SLIT1: variants seen among roughly 807,000 people sequenced by gnomAD.
The protein encoded by SLIT1 is slit guidance ligand 1.
A neutral mutation model predicts 186.1 loss-of-function variants in SLIT1; 66 were observed. The observed-to-expected ratio is 0.35, with a 90% confidence interval of 0.29 to 0.44. The LOEUF (loss-of-function observed/expected upper bound fraction) is 0.44, where lower values mean the gene tolerates loss of function less well. Ranked by LOEUF, SLIT1 falls within the 20% of genes least tolerant of loss-of-function variation. The probability of loss-of-function intolerance (pLI) is 1.00; values close to 1 mark genes in which losing one functional copy is unlikely to be tolerated. For synonymous variants in SLIT1, 761 were observed against 833.8 expected, an observed-to-expected ratio of 0.91 and a Z score of 1.50; for missense variants, 1,638 against 2,037.4, an observed-to-expected ratio of 0.80 and a Z score of 3.77.
At chr10:97,049,252 G>A (rs1848766300) in intron 13 of SLIT1, 134 bp from the exon 14 acceptor site, 1 of 1,025,314 alleles carries the variant, frequency 9.8e-7, no homozygotes. Context: ...CAGCCACGGG[G>A]GGAAAGAGAG....
chr10:97,119,913 GTATATATATATA>G lies in SLIT1; in HGVS notation c.413+37893_413+37904del, dbSNP rs55656011. Among the ~76,000 whole-genome samples, 41 of 56,520 alleles carry G rather than the reference GTATATATATATA, an allele frequency of 7.3e-4. 1 individual carries two copies. Among genetic ancestry groups the G allele is most frequent in the South Asian group, 4.3e-3 (6 of 1,386 alleles). The allele number at this position is 56,520 out of a possible 152,430, so 37.1% of individuals were successfully genotyped here. A position where few individuals can be genotyped will look rare whatever the true frequency, so the allele number is the denominator to read the frequency against. On this transcript the variant is annotated intron_variant, in intron 4 of 36. Transcript: ENST00000266058. ...AAATACATATTTTTTTTCCAAAGGG[GTATATATATATA>G]TATATATATATATATATATATGTAT...
chr10:97,152,677 G>T (rs534148784), intron 4 of SLIT1, among the ~76,000 whole-genome samples: 3 of 152,132 alleles, frequency 2.0e-5, no homozygotes, highest in Non-Finnish European at 4.4e-5. Flanking sequence ...AAACTGGGAG[G>T]TTTCCTACCG....
chr10:97,024,357 C>G (rs1848527308), intron 25 of SLIT1, among the ~76,000 whole-genome samples: 1 of 152,142 alleles, frequency 6.6e-6, no homozygotes, highest in South Asian at 2.1e-4. Flanking sequence ...GAGTGGCTCC[C>G]TTAATATATC....
Position 97,080,286 on chromosome 10 carries a change from A to T in SLIT1, c.414-14200T>A, listed in dbSNP as rs146756772. Among the ~76,000 whole-genome samples the T allele has an allele frequency of 7.5e-4, 114 of 152,296 alleles. 1 individual carries two copies. The highest frequency in any genetic ancestry group is 2.6e-3 in the African/African-American group (108 of 41,566). ...CAAGTCTTTATAAAGGGATGATCAC[A>T]GGACATCGTTTCCTGCAAGGAGCTC... On this transcript the variant is annotated intron_variant, in intron 4 of 36. Transcript: ENST00000266058.
chr10:97,129,383 C>CAAAA (rs57535501), intron 4 of SLIT1, among the ~76,000 whole-genome samples: 1 of 137,514 alleles, frequency 7.3e-6, no homozygotes, highest in Non-Finnish European at 1.6e-5. Context: ...GACTGTGTCT[C>CAAAA]AAAAAAAAAA....
At chr10:97,002,097 A>G (rs1461936500) in intron 36 of SLIT1, 61 bp downstream of exon 36, 1 of 1,168,934 alleles carries the variant, frequency 8.6e-7, no homozygotes, top group Non-Finnish European at 1.2e-6. Flanking sequence ...GGAAGAGTCA[A>G]ATTGCTAAAG....
At chr10:97,152,599 C>CG (rs1849893822) in intron 4 of SLIT1, among the ~76,000 whole-genome samples, 1 of 152,184 alleles carries the variant, frequency 6.6e-6, no homozygotes, top group African/African-American at 2.4e-5. Flanking sequence ...TTAAAGGAAA[C>CG]GCTGCAACAT....
rs552547490 is a variant in SLIT1, at chr10:97,136,642, T to C, written c.413+21176A>G. On this transcript the variant is annotated intron_variant, in intron 4 of 36. Coordinates refer to ENST00000266058, the MANE Select transcript of SLIT1 (RefSeq NM_003061.3). ...TGCCCGGCGTTTTATAGAGTACTGA[T>C]GAGCATGACTGGGTCCTCCCTGAAA... Among the ~76,000 whole-genome samples the C allele has an allele frequency of 3.8e-3, 583 of 152,326 alleles. 2 individuals carry two copies. Among genetic ancestry groups the C allele is most frequent in the African/African-American group, 0.011 (449 of 41,566 alleles).
At chr10:97,141,818 G>A (rs73322799) in intron 4 of SLIT1, among the ~76,000 whole-genome samples, 14,297 of 151,352 alleles carry the variant, frequency 0.094, 721 homozygotes, top group Middle Eastern at 0.12. Context: ...TACTAGACAG[G>A]GTCTCACTAA....
intron 4 of SLIT1, among the ~76,000 whole-genome samples, chr10:97,072,600 C>G (rs2134647097): frequency 6.6e-6 from 1 of 152,280 alleles, no homozygotes; most frequent in Non-Finnish European, 1.5e-5. Context: ...TGGAACTGTC[C>G]CACCCTGGCC....
intron 4 of SLIT1, among the ~76,000 whole-genome samples, chr10:97,089,531 G>A (rs1384934727): frequency 6.6e-6 from 1 of 152,230 alleles, no homozygotes; most frequent in Non-Finnish European, 1.5e-5. Context: ...TGAGTGTGAA[G>A]CCTGCAGGTG....
intron 1 of SLIT1, among the ~76,000 whole-genome samples, chr10:97,181,082 G>A (rs1437387993): frequency 6.6e-6 from 1 of 152,190 alleles, no homozygotes; most frequent in Non-Finnish European, 1.5e-5. Flanking sequence ...TTTTACAGAT[G>A]GGGAAACTGG....
intron 1 of SLIT1, 110 bp from the exon 2 acceptor site, chr10:97,165,000 G>A: frequency 1.2e-6 from 1 of 804,666 alleles, no homozygotes; most frequent in Non-Finnish European, 2.2e-6. Flanking sequence ...CGTCTCATCA[G>A]CGGGGCTGGG....
intron 4 of SLIT1, among the ~76,000 whole-genome samples, chr10:97,152,419 C>T (rs17410931): frequency 0.051 from 7,648 of 150,888 alleles, 242 homozygotes; most frequent in South Asian, 0.13. Context: ...CACCACCCTC[C>T]GAAGTAGCCC....
chr10:97,152,258 G>GA (rs200051608), intron 4 of SLIT1, among the ~76,000 whole-genome samples: 351 of 150,406 alleles, frequency 2.3e-3, no homozygotes, highest in African/African-American at 7.8e-3. Context: ...AGCCCCTCGA[G>GA]AAAAAAAAAC....
chr10:97,183,321 C>A (rs552084507), intron 1 of SLIT1, among the ~76,000 whole-genome samples: 1 of 152,316 alleles, frequency 6.6e-6, no homozygotes, highest in East Asian at 1.9e-4. Context: ...CAGTTCCTGG[C>A]TCCGAAACAT....
rs1262872614 is a variant in SLIT1 at position 97,006,517 on chromosome 10, A to G, written c.3545T>C (p.Leu1182Pro). The G allele has an allele frequency of 1.2e-5, 20 of 1,614,074 alleles. No homozygotes were observed. The South Asian group carries it at 2.2e-4, about 18-fold the overall frequency. Residue 1182 changes from leucine to proline, a missense_variant, in exon 32 of 37, where the codon CTG (leucine) becomes CCG (proline). By Grantham distance (98) the Leu-to-Pro change is moderately conservative. Transcript: ENST00000266058. The surrounding 1 kb of genome is among the most constrained non-coding windows in gnomAD (Gnocchi z 4.0). ...GATGTTGGCCCGTGGCCAGTTTTGC[A>G]GGTCAGTGAACTGCAGGTAAGTGTC... ...DRDTYLQFTD[L>P]QNWPRANITL...
chr10:97,030,327 T>C (rs1399441739), intron 25 of SLIT1, among the ~76,000 whole-genome samples: 4 of 152,180 alleles, frequency 2.6e-5, no homozygotes, highest in Non-Finnish European at 4.4e-5. Context: ...GGAGGCACAG[T>C]ACTAGTGGAG....
chr10:97,018,964 G>C lies in SLIT1; in HGVS notation c.2871+19C>G. 1 of 1,497,150 alleles carries C rather than the reference G, an allele frequency of 6.7e-7. No individual in the cohort carries two copies. The allele number at this position is 1,497,150 out of a possible 1,614,324, so 92.7% of individuals were successfully genotyped here. ...TACACGAAGAGCCCTCCTCCTCCCC[G>C]GCCTCTGCCTCCACTCACCTTATAG... On this transcript the variant is annotated intron_variant, in intron 27 of 36. Coordinates refer to ENST00000266058, the MANE Select transcript of SLIT1 (RefSeq NM_003061.3).
Sources: allele counts gnomAD v4.1 joint callset (sites outside exome capture counted in the v4.1 genomes callset), GRCh38; gene constraint gnomAD v4.1.1; non-coding constraint Gnocchi (gnomAD v3.1); transcripts MANE v1.5; gene names NCBI Gene and HGNC (gene_info 2026-07-23, HGNC 2026-07-21).